DRAM2: variants seen among roughly 807,000 people sequenced by gnomAD.
The protein encoded by DRAM2 is DNA damage-regulated autophagy modulator protein 2.
In DRAM2, 26 loss-of-function variants were observed where a neutral mutation model predicts 33.5. That is an observed-to-expected ratio of 0.78 (90% CI 0.57 to 1.08). DRAM2 has a LOEUF of 1.08. DRAM2 is among the 50% of genes least tolerant of loss of function. DRAM2 has a pLI of 0.00. For missense variants in DRAM2, 311 were observed against 318.1 expected, an observed-to-expected ratio of 0.98 and a Z score of 0.17; for synonymous variants, 98 against 109.5, an observed-to-expected ratio of 0.89 and a Z score of 0.66.
chr1:111,138,913 A>G (rs1557908966), intron 2 of DRAM2, among the ~76,000 whole-genome samples: 1 of 152,276 alleles, frequency 6.6e-6, no homozygotes, highest in Non-Finnish European at 1.5e-5. Context: ...AATAAAATGA[A>G]TTCCTCATGC....
intron 6 of DRAM2, among the ~76,000 whole-genome samples, chr1:111,123,414 T>C (rs887702204): frequency 6.6e-6 from 1 of 152,202 alleles, no homozygotes; most frequent in African/African-American, 2.4e-5. Context: ...CTCTGAACTT[T>C]CTTGTCAACT....
At chr1:111,135,931 A>G (rs1368305067) in intron 3 of DRAM2, among the ~76,000 whole-genome samples, 1 of 152,254 alleles carries the variant, frequency 6.6e-6, no homozygotes, top group Admixed American at 6.5e-5. Flanking sequence ...CTATTTCAGT[A>G]AACAACATTA....
intron 6 of DRAM2, 100 bp downstream of exon 6, chr1:111,124,642 A>C: frequency 7.6e-7 from 1 of 1,315,868 alleles, no homozygotes; most frequent in South Asian, 1.4e-5. Context: ...GCTAAGGTAA[A>C]GAAATAACAA....
At chr1:111,139,064 A>C (rs1653924342) in intron 2 of DRAM2, 1 of 152,332 alleles carries the variant, frequency 6.6e-6, no homozygotes, top group Admixed American at 6.5e-5. Flanking sequence ...AAAAATACTT[A>C]CTTTTCTAAA....
At chr1:111,131,400 A>G (rs1652041610) in intron 4 of DRAM2, 24 bp downstream of exon 4, 2 of 1,605,414 alleles carry the variant, frequency 1.2e-6, no homozygotes, top group African/African-American at 1.3e-5. Flanking sequence ...AGAGTCTCCT[A>G]TACAAAGAAT....
intron 8 of DRAM2, chr1:111,119,497 CAG>C: frequency 5.6e-6 from 1 of 180,068 alleles, no homozygotes; most frequent in Non-Finnish European, 1.2e-5. Flanking sequence ...ATCCTAAATG[CAG>C]AGTCCATAAT....
Position 111,124,549 on chromosome 1 carries a change from A to C in DRAM2, c.339+193T>G, listed in dbSNP as rs200228055. ...GTTAAAATAATTTGTATTTGTTCAG[A>C]CTTTTAAATATGAATTTTTCTAGTT... On this transcript the variant is annotated intron_variant, in intron 6 of 9. Coordinates refer to ENST00000484310, the MANE Select transcript of DRAM2 (RefSeq NM_001349884.2). Among the ~76,000 whole-genome samples, 3 of 152,170 alleles carry C rather than the reference A, an allele frequency of 2.0e-5. No homozygotes were observed. In the East Asian group the frequency reaches 5.8e-4, roughly 29 times the overall value.
intron 4 of DRAM2, 51 bp downstream of exon 4, chr1:111,131,373 A>G: frequency 6.6e-7 from 1 of 1,519,848 alleles, no homozygotes; most frequent in Non-Finnish European, 8.9e-7. Context: ...CAATGTTAAA[A>G]TAAGAATGAG....
At chr1:111,132,612 G>A (rs1227207847) in intron 3 of DRAM2, among the ~76,000 whole-genome samples, 1 of 152,104 alleles carries the variant, frequency 6.6e-6, no homozygotes. Flanking sequence ...ACTTCTTGAT[G>A]ATCAGAGAAG....
intron 3 of DRAM2, among the ~76,000 whole-genome samples, chr1:111,133,150 G>A (rs1270533141): frequency 6.7e-6 from 1 of 150,230 alleles, no homozygotes; most frequent in African/African-American, 2.5e-5. Context: ...GGTCCATAAG[G>A]TCCTTGCATT....
intron 2 of DRAM2, among the ~76,000 whole-genome samples, chr1:111,138,707 G>A (rs1653823930): frequency 6.6e-6 from 1 of 152,092 alleles, no homozygotes; most frequent in South Asian, 2.1e-4. Context: ...TCACTTGAAC[G>A]CGGGAGGCGG....
rs1356504662 is a variant in DRAM2 at position 111,117,305 on chromosome 1, TA to T, written c.*854del. 1 of 152,150 alleles carries T rather than the reference TA, an allele frequency of 6.6e-6. No homozygotes were observed. The highest frequency in any genetic ancestry group is 1.5e-5 in the Non-Finnish European group (1 of 67,984). 9.4% of individuals were successfully genotyped at this position (152,150 alleles called of 1,614,324 possible). The stretch of plus-strand genomic sequence containing the variant: ...TTTTACATGTAATTATAACTTGCCA[TA>T]AATGAAAATCTAAGAAGCTCTTGAG... On this transcript the variant is annotated 3_prime_UTR_variant, in exon 10 of 10. Transcript: ENST00000484310.
At chr1:111,120,014 T>A in intron 7 of DRAM2, 55 bp from the exon 8 acceptor site, 1 of 1,463,342 alleles carries the variant, frequency 6.8e-7, no homozygotes. Context: ...AGAACAAAAA[T>A]CACTTTACAG....
At chr1:111,131,756 G>C (rs574408286) in intron 3 of DRAM2, among the ~76,000 whole-genome samples, 188 bp from the exon 4 acceptor site, 1 of 152,088 alleles carries the variant, frequency 6.6e-6, no homozygotes, top group South Asian at 2.1e-4. Context: ...ATTCACCCAC[G>C]TGACAGAGCT....
rs12408615 is a variant in DRAM2, at chr1:111,127,314, G to A, written c.132-1020C>T. Reference sequence around the variant, plus strand: ...AGGGTCTCAACTAAGACAATGCATGGGGATAAAAAAGAAGTAGAAAGTTAT... The same window carrying A: ...AGGGTCTCAACTAAGACAATGCATGAGGATAAAAAAGAAGTAGAAAGTTAT... On this transcript the variant is annotated intron_variant, in intron 4 of 9. Transcript: ENST00000484310. 1.9e-3 allele frequency among the ~76,000 whole-genome samples: 296 copies of A among 152,124 alleles called. 2 individuals carry two copies. The highest frequency in any genetic ancestry group is 6.8e-3 in the Middle Eastern group (2 of 294).
chr1:111,133,604 A>AAATG (rs2101103466), intron 3 of DRAM2, among the ~76,000 whole-genome samples: 1 of 152,366 alleles, frequency 6.6e-6, no homozygotes, highest in Non-Finnish European at 1.5e-5. Flanking sequence ...AGCAGTGTTT[A>AAATG]CTAAACACCT....
intron 8 of DRAM2, chr1:111,119,470 G>T (rs1404204774): frequency 1.2e-5 from 2 of 163,192 alleles, no homozygotes; most frequent in African/African-American, 2.4e-5. Flanking sequence ...TCTACATTCA[G>T]ATATCCACTA....
chr1:111,138,677 A>G (rs1653814505), intron 2 of DRAM2, among the ~76,000 whole-genome samples: 2 of 152,126 alleles, frequency 1.3e-5, no homozygotes, highest in Admixed American at 6.5e-5. Flanking sequence ...CCAGCTACTC[A>G]GGAGACTGAG....
At chr1:111,133,528 A>G (rs1284170128) in intron 3 of DRAM2, among the ~76,000 whole-genome samples, 5 of 152,138 alleles carry the variant, frequency 3.3e-5, no homozygotes, top group Non-Finnish European at 7.4e-5. Context: ...TTGGTTCTCA[A>G]TTCTTTGCTC....
Sources: gnomAD v4.1 joint callset for allele counts (sites outside exome capture counted in the v4.1 genomes callset) on GRCh38, gnomAD v4.1.1 for gene constraint, MANE v1.5 for transcripts, NCBI Gene and HGNC (gene_info 2026-07-23, HGNC 2026-07-21) for gene names.